Variants in PIEZO2 observed in about 807,000 individuals in gnomAD.
PIEZO2 encodes piezo type mechanosensitive ion channel component 2.
PIEZO2 carries 172 observed loss-of-function variants against 337.3 expected under a neutral mutation model. The ratio of observed to expected loss-of-function variants is 0.51; its 90% CI spans 0.45 to 0.58. PIEZO2 has a LOEUF of 0.58. Ranked by LOEUF, PIEZO2 falls within the 20% of genes least tolerant of loss-of-function variation. The probability of loss-of-function intolerance (pLI) is 0.00; values close to 1 mark genes in which losing one functional copy is unlikely to be tolerated. For synonymous variants in PIEZO2, 1,251 were observed against 1,228.5 expected (o/e 1.02, Z -0.38); for missense variants, 3,028 against 3,391.3 (o/e 0.89, Z 2.66).
chr18:10,750,012 G>T lies in PIEZO2; in HGVS notation c.4264+79C>A. On this transcript the variant is annotated intron_variant, in intron 29 of 55. Coordinates refer to ENST00000674853, the MANE Select transcript of PIEZO2 (RefSeq NM_001378183.1). The surrounding 1 kb of genome is among the most constrained non-coding windows in gnomAD (Gnocchi z 4.1). ...CACTTTTATATCTTTATGTGCTTTGGCCCACTTTTAAAACTAGAACAATAC... is the reference window on the plus strand; with the variant it reads ...CACTTTTATATCTTTATGTGCTTTGTCCCACTTTTAAAACTAGAACAATAC... 9.2e-7 allele frequency: 1 copy of T among 1,082,322 alleles called. No homozygotes were observed. The highest frequency in any genetic ancestry group is 2.6e-5 in the East Asian group (1 of 38,598). The allele number at this position is 1,082,322 out of a possible 1,614,324, so 67.0% of individuals were successfully genotyped here.
rs144215257 is a variant in PIEZO2 at position 11,076,605 on chromosome 18, C to G, written c.65-10383G>C. On this transcript the variant is annotated intron_variant, in intron 1 of 55. Coordinates refer to ENST00000674853, the MANE Select transcript of PIEZO2 (RefSeq NM_001378183.1). The stretch of plus-strand genomic sequence containing the variant: ...ATTTGTTGCCTTTTAATTTAGTATA[C>G]AAAGGTAGGATTCTGTTATCTATGT... Among the ~76,000 whole-genome samples, 811 of 151,742 alleles carry G rather than the reference C, an allele frequency of 5.3e-3. 7 individuals carry two copies. The highest frequency in any genetic ancestry group is 0.022 in the South Asian group (104 of 4,808).
Position 10,856,995 on chromosome 18 carries a change from A to G in PIEZO2, c.703+6T>C, listed in dbSNP as rs1251358210. 4.1e-5 allele frequency: 63 copies of G among 1,537,022 alleles called. No individual in the cohort carries two copies. The highest frequency in any genetic ancestry group is 5.3e-5 in the Non-Finnish European group (61 of 1,146,802). The stretch of plus-strand genomic sequence containing the variant: ...GCTACGTGCAGCCAGTGTGGGAGAC[A>G]CTCACCCGAGGAGCCCAGTAAGATG... On this transcript the variant is annotated splice_donor_region_variant and intron_variant, in intron 6 of 55. Transcript: ENST00000674853. This position sits in a 1 kb window ranked among gnomAD's most constrained non-coding sequence, Gnocchi z 4.7.
At chr18:11,024,135 G>A (rs569249545) in intron 2 of PIEZO2, among the ~76,000 whole-genome samples, 3 of 152,248 alleles carry the variant, frequency 2.0e-5, no homozygotes, top group Non-Finnish European at 4.4e-5. Context: ...AGCGCGGCCT[G>A]AGTGGGCGCC....
At chr18:10,792,805 GC>G in intron 13 of PIEZO2, among the ~76,000 whole-genome samples, 1 of 152,174 alleles carries the variant, frequency 6.6e-6, no homozygotes, top group African/African-American at 2.4e-5. Flanking sequence ...GACTGGAATT[GC>G]TGGTCTTATG....
In PIEZO2 at chr18:11,001,432, C is replaced by T. The variant is rs556186805; in HGVS notation, c.161-21772G>A. 2.6e-5 allele frequency among the ~76,000 whole-genome samples: 4 copies of T among 152,218 alleles called. No homozygotes were observed. Among genetic ancestry groups the T allele is most frequent in the East Asian group, 3.9e-4 (2 of 5,172 alleles). On this transcript the variant is annotated intron_variant, in intron 2 of 55. Transcript: ENST00000674853. The surrounding 1 kb of genome is among the most constrained non-coding windows in gnomAD (Gnocchi z 5.3). ...TGAGAGTGCAAGTTCTTTCTGCTGT[C>T]GCTCTTCTTTGACCCTGCTAGAGAT...
At chr18:10,925,441 A>T (rs1394038788) in intron 3 of PIEZO2, among the ~76,000 whole-genome samples, 1 of 152,220 alleles carries the variant, frequency 6.6e-6, no homozygotes, top group Non-Finnish European at 1.5e-5. Flanking sequence ...ACAGTAGGAT[A>T]CGGCAGTAAA....
chr18:10,823,566 C>A (rs1027167871), intron 7 of PIEZO2, among the ~76,000 whole-genome samples: 1 of 152,260 alleles, frequency 6.6e-6, no homozygotes, highest in Middle Eastern at 3.4e-3. Flanking sequence ...TTTTCATTCA[C>A]GCATCCTCAA....
chr18:11,051,456 G>A (rs1468633207), intron 2 of PIEZO2, among the ~76,000 whole-genome samples: 1 of 151,946 alleles, frequency 6.6e-6, no homozygotes, highest in African/African-American at 2.4e-5. Context: ...CTGGCTGTAG[G>A]ACAACGGCTA....
intron 7 of PIEZO2, among the ~76,000 whole-genome samples, chr18:10,827,491 C>G (rs904977838): frequency 6.7e-6 from 1 of 149,464 alleles, no homozygotes; most frequent in Non-Finnish European, 1.5e-5. Context: ...CTTAGACCAA[C>G]ATTTGCCTCC....
intron 3 of PIEZO2, among the ~76,000 whole-genome samples, chr18:10,948,065 GT>G (rs369586662): frequency 4.5e-4 from 68 of 152,220 alleles, no homozygotes; most frequent in African/African-American, 1.6e-3. Context: ...TGACAGACCA[GT>G]TTAAACATAT....
At chr18:10,701,352 G>A (rs534141904) in intron 43 of PIEZO2, among the ~76,000 whole-genome samples, 1 of 152,344 alleles carries the variant, frequency 6.6e-6, no homozygotes, top group East Asian at 1.9e-4. Context: ...AAGGACAGGA[G>A]TCCCTGAGGC....
chr18:10,675,339 C>A (rs773407588), intron 53 of PIEZO2, 51 bp from the exon 54 acceptor site: 3 of 1,193,970 alleles, frequency 2.5e-6, no homozygotes, highest in Non-Finnish European at 3.5e-6. Flanking sequence ...GTTTTACCCA[C>A]CTAAAATTGA....
intron 48 of PIEZO2, 34 bp downstream of exon 48, chr18:10,691,191 C>A: frequency 1.2e-6 from 2 of 1,602,596 alleles, no homozygotes; most frequent in South Asian, 1.1e-5. Flanking sequence ...TATTCTTCCC[C>A]CATAAGTGAC....
chr18:10,993,613 G>A lies in PIEZO2; in HGVS notation c.161-13953C>T, dbSNP rs1197141268. Among the ~76,000 whole-genome samples the A allele has an allele frequency of 2.0e-5, 3 of 152,014 alleles. No homozygotes were observed. The highest frequency in any genetic ancestry group is 6.6e-5 in the Admixed American group (1 of 15,258). ...ACGATCTCGCCTCACTGCAACCTCC[G>A]CCTCCCGGGTTAACGCCATTCTCCT... On this transcript the variant is annotated intron_variant, in intron 2 of 55. Transcript: ENST00000674853. The surrounding 1 kb of genome is among the most constrained non-coding windows in gnomAD (Gnocchi z 5.0).
At chr18:10,758,168 T>G in intron 26 of PIEZO2, 34 bp from the exon 27 acceptor site, 1 of 1,529,200 alleles carries the variant, frequency 6.5e-7, no homozygotes, top group South Asian at 1.2e-5. Context: ...TTAAGCCGCC[T>G]CATCCTCTTC....
chr18:10,778,436 C>A (rs1444991861), intron 18 of PIEZO2, among the ~76,000 whole-genome samples: 1 of 151,640 alleles, frequency 6.6e-6, no homozygotes, highest in Non-Finnish European at 1.5e-5. Flanking sequence ...AGGTTCACGC[C>A]ATTCTCCTCC....
Position 11,096,204 on chromosome 18 carries a change from G to A in PIEZO2, c.65-29982C>T, listed in dbSNP as rs2039259414. Among the ~76,000 whole-genome samples the A allele has an allele frequency of 6.6e-6, 1 of 152,230 alleles. No individual in the cohort carries two copies. On this transcript the variant is annotated intron_variant, in intron 1 of 55. Transcript: ENST00000674853. This position sits in a 1 kb window ranked among gnomAD's most constrained non-coding sequence, Gnocchi z 4.6. ...GTGGGGTGTGGCCACCTAGAGCCCT[G>A]GGGTGAAGAAGCCATGAGAAGGACC...
Position 11,148,651 on chromosome 18 carries a change from C to T in PIEZO2, c.-63G>A. 6.6e-7 allele frequency: 1 copy of T among 1,512,202 alleles called. No homozygotes were observed. The allele number at this position is 1,512,202 out of a possible 1,614,324, so 93.7% of individuals were successfully genotyped here. On this transcript the variant is annotated 5_prime_UTR_variant, in exon 1 of 56. Coordinates refer to ENST00000674853, the MANE Select transcript of PIEZO2 (RefSeq NM_001378183.1). This position sits in a 1 kb window ranked among gnomAD's most constrained non-coding sequence, Gnocchi z 5.2. Reference sequence around the variant, plus strand: ...TCGAGGGTCCCTAGGGGTGGTGGGACGCAAGGCCCATGCCCGTCTATGGCC... The same window carrying T: ...TCGAGGGTCCCTAGGGGTGGTGGGATGCAAGGCCCATGCCCGTCTATGGCC...
At chr18:11,071,009 G>A (rs747552353) in intron 1 of PIEZO2, among the ~76,000 whole-genome samples, 3 of 152,120 alleles carry the variant, frequency 2.0e-5, no homozygotes, top group Non-Finnish European at 4.4e-5. Flanking sequence ...TGCTTCCATG[G>A]CTGATTCTAG....
Sources: allele counts gnomAD v4.1 joint callset (sites outside exome capture counted in the v4.1 genomes callset), GRCh38; gene constraint gnomAD v4.1.1; non-coding constraint Gnocchi (gnomAD v3.1); transcripts MANE v1.5; gene names NCBI Gene and HGNC (gene_info 2026-07-23, HGNC 2026-07-21).